The following SCN3A variants were observed in gnomAD, a reference collection of about 807,000 sequenced individuals.
SCN3A encodes the protein sodium channel protein type 3 subunit alpha.
A neutral mutation model predicts 187.6 loss-of-function variants in SCN3A; 60 were observed. That is an observed-to-expected ratio of 0.32 (90% confidence interval 0.26 to 0.40). SCN3A has a LOEUF of 0.40. SCN3A is among the 10% of genes least tolerant of loss of function. SCN3A has a pLI of 1.00. For missense variants in SCN3A, 1,601 were observed against 2,428.2 expected (o/e 0.66, Z 7.16); for synonymous variants, 788 against 829.2 (o/e 0.95, Z 0.85).
rs202162785 is a variant in SCN3A, at chr2:165,163,708, A to T, written c.604T>A (p.Tyr202Asn). Reference sequence around the variant, plus strand: ...CCCAGGTCCACAAACTCTGTCACATATCTGTAATAGGGGAGTTCACACACA... The same window carrying T: ...CCCAGGTCCACAAACTCTGTCACATTTCTGTAATAGGGGAGTTCACACACA... Reference protein sequence around the residue: ...WLDFSVIVMAYVTEFVDLGNV... With the variant: ...WLDFSVIVMANVTEFVDLGNV... Residue 202 changes from tyrosine (Y) to asparagine (N), a missense_variant and splice_region_variant, in exon 7 of 28, where the codon TAT becomes AAT. Transcript: ENST00000283254. The T allele has an allele frequency of 1.9e-6, 3 of 1,614,072 alleles. No individual in the cohort carries two copies. The highest frequency in any genetic ancestry group is 2.5e-6 in the Non-Finnish European group (3 of 1,179,962).
chr2:165,165,505 G>A (rs1054840061), intron 5 of SCN3A, among the ~76,000 whole-genome samples: 3 of 152,082 alleles, frequency 2.0e-5, no homozygotes, highest in African/African-American at 7.2e-5. Flanking sequence ...TCTATTTGCT[G>A]TTTAATGTCA....
chr2:165,149,137 A>G (rs1413875128), intron 11 of SCN3A, among the ~76,000 whole-genome samples: 1 of 151,646 alleles, frequency 6.6e-6, no homozygotes, highest in African/African-American at 2.4e-5. Context: ...ATAGTCCCTT[A>G]CCATAATCCT....
intron 8 of SCN3A, 62 bp downstream of exon 8, chr2:165,162,494 A>G: frequency 6.2e-7 from 1 of 1,608,908 alleles, no homozygotes; most frequent in Non-Finnish European, 8.5e-7. Context: ...CACAGTCTCA[A>G]CTATTTATAG....
rs1684943002 is a variant in SCN3A, at chr2:165,088,638, G to C, written c.*1512C>G. The C allele has an allele frequency of 1.3e-5, 2 of 152,378 alleles. No individual in the cohort carries two copies. Among genetic ancestry groups the C allele is most frequent in the African/African-American group, 2.4e-5 (1 of 41,394 alleles). The allele number at this position is 152,378 out of a possible 1,614,324, so 9.4% of individuals were successfully genotyped here. A position where few individuals can be genotyped will look rare whatever the true frequency, so the allele number is the denominator to read the frequency against. ...AAATTATCCATTGAAAAATCTTATG[G>C]ATTCAAAAGTTTGGAATTGTGATTA... On this transcript the variant is annotated 3_prime_UTR_variant, in exon 28 of 28. Coordinates refer to ENST00000283254, the MANE Select transcript of SCN3A (RefSeq NM_006922.4).
chr2:165,090,102 T>C lies in SCN3A; in HGVS notation c.*48A>G. On this transcript the variant is annotated 3_prime_UTR_variant, in exon 28 of 28. Coordinates refer to ENST00000283254, the MANE Select transcript of SCN3A (RefSeq NM_006922.4). This position sits in a 1 kb window ranked among gnomAD's most constrained non-coding sequence, Gnocchi z 4.0. ...GTCCAGTTGACACATATACTTTACC[T>C]TCATAGGCTGTAAACAATTGATCAC... 6.5e-7 allele frequency: 1 copy of C among 1,549,360 alleles called. No homozygotes were observed. Among genetic ancestry groups the C allele is most frequent in the Middle Eastern group, 2.2e-4 (1 of 4,458 alleles).
intron 21 of SCN3A, among the ~76,000 whole-genome samples, chr2:165,111,527 A>G (rs1686117201): frequency 7.2e-6 from 1 of 139,524 alleles, no homozygotes; most frequent in South Asian, 2.3e-4. Context: ...ACACACACAC[A>G]CACATTTACC....
chr2:165,160,715 A>G (rs1689310914), intron 9 of SCN3A, among the ~76,000 whole-genome samples: 1 of 151,976 alleles, frequency 6.6e-6, no homozygotes, highest in African/African-American at 2.4e-5. Flanking sequence ...ATCTCAGCTC[A>G]CTGCTACCTC....
chr2:165,202,903 G>A (rs2106005947), intron 1 of SCN3A, among the ~76,000 whole-genome samples: 1 of 152,020 alleles, frequency 6.6e-6, no homozygotes, highest in African/African-American at 2.4e-5. Context: ...CAATTAATAT[G>A]TATAGATTTT....
At chr2:165,159,844 T>C (rs1352187146) in intron 9 of SCN3A, among the ~76,000 whole-genome samples, 1 of 136,818 alleles carries the variant, frequency 7.3e-6, no homozygotes, top group Non-Finnish European at 1.5e-5. Context: ...AATGGTTTTG[T>C]ATTTAAAACT....
intron 21 of SCN3A, among the ~76,000 whole-genome samples, chr2:165,110,757 G>A (rs1378296889): frequency 6.6e-6 from 1 of 152,156 alleles, no homozygotes; most frequent in Non-Finnish European, 1.5e-5. Context: ...CAAAGGAGGA[G>A]GCTTTCAGTA....
At chr2:165,167,497 T>C (rs550147152) in intron 5 of SCN3A, among the ~76,000 whole-genome samples, 1 of 152,160 alleles carries the variant, frequency 6.6e-6, no homozygotes, top group Non-Finnish European at 1.5e-5. Flanking sequence ...TTATCTCCGA[T>C]TGTACATTAC....
chr2:165,146,770 G>A lies in SCN3A; in HGVS notation c.1640C>T (p.Thr547Ile). The A allele has an allele frequency of 6.2e-7, 1 of 1,613,964 alleles. No individual in the cohort carries two copies. The highest frequency in any genetic ancestry group is 1.1e-5 in the South Asian group (1 of 91,058). ...AGGGGAGCAGAATTTTTTGTCACTGGTCAGTCTGTTTCCATCCATGGAGAA... is the reference window on the plus strand; with the variant it reads ...AGGGGAGCAGAATTTTTTGTCACTGATCAGTCTGTTTCCATCCATGGAGAA... The part of the protein sequence containing the change: ...FLFSMDGNRL[T>I]SDKKFCSPHQ... Residue 547 changes from threonine (T) to isoleucine (I), a missense_variant, in exon 12 of 28, where the codon ACC becomes ATC. Transcript: ENST00000283254.
intron 5 of SCN3A, among the ~76,000 whole-genome samples, chr2:165,168,017 G>A (rs183724851): frequency 8.5e-5 from 13 of 152,142 alleles, no homozygotes; most frequent in African/African-American, 3.1e-4. Flanking sequence ...GGGATATGAG[G>A]CCACAAAGAA....
intron 18 of SCN3A, among the ~76,000 whole-genome samples, chr2:165,116,280 A>G (rs1419842997): frequency 2.0e-5 from 3 of 152,208 alleles, no homozygotes; most frequent in African/African-American, 4.8e-5. Flanking sequence ...CAGAATCTCT[A>G]TAGACTTTCA....
chr2:165,158,501 A>G (rs531662292), intron 9 of SCN3A, among the ~76,000 whole-genome samples: 11 of 136,676 alleles, frequency 8.0e-5, no homozygotes, highest in Non-Finnish European at 1.2e-4. Context: ...CATATTCACC[A>G]TTATAGAATC....
At chr2:165,170,349 G>T (rs3754962) in intron 4 of SCN3A, 81 bp downstream of exon 4, 1 of 855,126 alleles carries the variant, frequency 1.2e-6, no homozygotes, top group South Asian at 1.4e-5. Context: ...AAATTTTACA[G>T]ATACTTGAAA....
At position 165,176,379 on chromosome 2, in the gene SCN3A, A is replaced by G. The variant is rs948132019; in HGVS notation, c.16T>C (p.Leu6=). The change falls in exon 3 of 28, where the codon TTG becomes CTG. Residue 6 remains leucine (L), a synonymous_variant. Coordinates refer to ENST00000283254, the MANE Select transcript of SCN3A (RefSeq NM_006922.4). ...AAGCTTTCAGGTCCTGGGGGTACCA[A>G]CAGTGCCTGTGCCATCTTTTCATCC... MAQAL[L]VPPGPESFRL... is the part of the protein sequence containing the mutation. The G allele has an allele frequency of 6.2e-6, 10 of 1,613,952 alleles. No individual in the cohort carries two copies. The highest frequency in any genetic ancestry group is 3.3e-5 in the Admixed American group (2 of 59,984).
chr2:165,115,191 C>G (rs1014276987), intron 19 of SCN3A, among the ~76,000 whole-genome samples: 8 of 151,962 alleles, frequency 5.3e-5, no homozygotes, highest in Non-Finnish European at 1.2e-4. Context: ...GCAGCGACTA[C>G]AGGCATGTAC....
chr2:165,155,682 A>T (rs1394660197), intron 10 of SCN3A, 80 bp downstream of exon 10: 1 of 1,526,876 alleles, frequency 6.5e-7, no homozygotes. Flanking sequence ...TACAGGCATG[A>T]GCCACCACAC....
Sources: gnomAD v4.1 joint callset for allele counts (sites outside exome capture counted in the v4.1 genomes callset) on GRCh38, gnomAD v4.1.1 for gene constraint, Gnocchi (gnomAD v3.1) non-coding constraint, MANE v1.5 for transcripts, NCBI Gene and HGNC (gene_info 2026-07-23, HGNC 2026-07-21) for gene names.